DOCK10: variants seen among roughly 807,000 people sequenced by gnomAD.
DOCK10 encodes the protein dedicator of cytokinesis protein 10.
DOCK10 carries 145 observed loss-of-function variants against 280.1 expected under a neutral mutation model. The observed-to-expected ratio is 0.52, with a 90% CI of 0.45 to 0.59. The LOEUF (loss-of-function observed/expected upper bound fraction) is 0.59, where lower values mean the gene tolerates loss of function less well. Ranked by LOEUF, DOCK10 falls within the 20% of genes least tolerant of loss-of-function variation. The pLI is 0.00. For missense variants in DOCK10, 2,368 were observed against 2,651.7 expected, an observed-to-expected ratio of 0.89 and a Z score of 2.35; for synonymous variants, 915 against 942.2, an observed-to-expected ratio of 0.97 and a Z score of 0.53.
intron 28 of DOCK10, among the ~76,000 whole-genome samples, chr2:224,821,830 A>G (rs1694525365): frequency 6.6e-6 from 1 of 152,188 alleles, no homozygotes; most frequent in African/African-American, 2.4e-5. Context: ...TGTGGTAGAA[A>G]ACTACAGTAA....
At chr2:224,916,269 G>T (rs757620511) in intron 3 of DOCK10, among the ~76,000 whole-genome samples, 7 of 152,048 alleles carry the variant, frequency 4.6e-5, no homozygotes, top group Non-Finnish European at 1.0e-4. Flanking sequence ...GGCCGGACGC[G>T]GTGGCTCATG....
At chr2:224,982,487 C>T in intron 1 of DOCK10, 1 of 1,227,406 alleles carries the variant, frequency 8.1e-7, no homozygotes, top group Non-Finnish European at 1.0e-6. Context: ...TCTCCAATCA[C>T]TTCCTTGAGC....
chr2:224,773,038 G>T, intron 53 of DOCK10, 119 bp downstream of exon 53: 2 of 915,046 alleles, frequency 2.2e-6, no homozygotes, highest in Non-Finnish European at 3.1e-6. Flanking sequence ...AGATAAAGGT[G>T]TTCTATTCTC....
chr2:224,868,768 C>T (rs1698083945), intron 11 of DOCK10, among the ~76,000 whole-genome samples: 1 of 151,744 alleles, frequency 6.6e-6, no homozygotes, highest in Admixed American at 6.6e-5. Context: ...TATAGTATAC[C>T]AATTTAAATT....
At chr2:224,964,097 G>C (rs1704597203) in intron 1 of DOCK10, among the ~76,000 whole-genome samples, 1 of 151,374 alleles carries the variant, frequency 6.6e-6, no homozygotes. Flanking sequence ...TAAAATACAG[G>C]ATGCGGAGGG....
chr2:225,036,727 T>C (rs1690269571), intron 1 of DOCK10, among the ~76,000 whole-genome samples: 2 of 152,230 alleles, frequency 1.3e-5, no homozygotes, highest in Non-Finnish European at 2.9e-5. Context: ...TGAATATGTC[T>C]AGAGCAAGTT....
chr2:224,920,383 C>T (rs745659272), intron 2 of DOCK10, among the ~76,000 whole-genome samples: 30 of 152,004 alleles, frequency 2.0e-4, no homozygotes, highest in Middle Eastern at 3.4e-3. Context: ...CTACATTTTA[C>T]ATTTTTAATT....
intron 1 of DOCK10, among the ~76,000 whole-genome samples, chr2:224,969,345 G>C (rs1156837838): frequency 6.6e-6 from 1 of 152,178 alleles, no homozygotes; most frequent in Non-Finnish European, 1.5e-5. Context: ...TCTAAGAACA[G>C]ATCTGAAAAG....
chr2:224,791,526 G>A (rs573030172), intron 47 of DOCK10, among the ~76,000 whole-genome samples: 4 of 151,178 alleles, frequency 2.6e-5, no homozygotes, highest in African/African-American at 7.3e-5. Context: ...GTGCAGTGGC[G>A]TGATCTCAGC....
chr2:224,766,545 A>C (rs1690087062), intron 55 of DOCK10, among the ~76,000 whole-genome samples: 1 of 152,234 alleles, frequency 6.6e-6, no homozygotes, highest in Non-Finnish European at 1.5e-5. Flanking sequence ...TATGATCAAT[A>C]TCACAAAGCT....
At chr2:224,814,286 GT>G in intron 31 of DOCK10, 33 bp downstream of exon 31, 1 of 1,401,106 alleles carries the variant, frequency 7.1e-7, no homozygotes. Flanking sequence ...ATTACAGGTG[GT>G]TACTGATGCT....
chr2:225,002,136 G>C (rs1451968390), intron 1 of DOCK10, among the ~76,000 whole-genome samples: 1 of 152,142 alleles, frequency 6.6e-6, no homozygotes, highest in Non-Finnish European at 1.5e-5. Context: ...AAGTGAGTTA[G>C]AGTATTTCAA....
rs539905805 is a variant in DOCK10, at chr2:224,903,804, T to C, written c.334-7427A>G. Among the ~76,000 whole-genome samples the C allele has an allele frequency of 1.4e-4, 21 of 152,308 alleles. 2 individuals carry two copies. The South Asian group carries it at 3.7e-3, about 27-fold the overall frequency. On this transcript the variant is annotated intron_variant, in intron 3 of 55. Transcript: ENST00000258390. The stretch of plus-strand genomic sequence containing the variant: ...GCCAAACATTTTAGGGGGATTTTTA[T>C]TGTGGAGAAGGGAAAGCCAATTTAG...
chr2:224,903,716 GTTCT>G (rs1422611844), intron 3 of DOCK10, among the ~76,000 whole-genome samples: 1 of 152,082 alleles, frequency 6.6e-6, no homozygotes, highest in East Asian at 1.9e-4. Flanking sequence ...TTAAAAATGG[GTTCT>G]TTTTTATTCT....
intron 1 of DOCK10, among the ~76,000 whole-genome samples, chr2:225,015,958 T>G (rs1209316325): frequency 2.0e-5 from 3 of 152,164 alleles, no homozygotes; most frequent in East Asian, 3.9e-4. Flanking sequence ...ATAAGACCAT[T>G]TTAGCTGGAA....
At chr2:224,975,419 T>A (rs2126227739) in intron 1 of DOCK10, among the ~76,000 whole-genome samples, 1 of 152,328 alleles carries the variant, frequency 6.6e-6, no homozygotes, top group African/African-American at 2.4e-5. Flanking sequence ...CCCAGGGGAA[T>A]CTGATAATAT....
At chr2:224,983,582 T>G (rs1173879567) in intron 1 of DOCK10, 1 of 316,020 alleles carries the variant, frequency 3.2e-6, no homozygotes, top group Non-Finnish European at 6.4e-6. Flanking sequence ...GGAAGGATTG[T>G]TTTGCTGTAA....
intron 1 of DOCK10, among the ~76,000 whole-genome samples, chr2:224,977,800 G>A (rs1705523984): frequency 6.6e-6 from 1 of 152,084 alleles, no homozygotes; most frequent in Non-Finnish European, 1.5e-5. Context: ...CTCCACTTTG[G>A]ACTATATAGG....
rs568944415 is a variant in DOCK10 at position 225,014,266 on chromosome 2, A to G, written c.123+27986T>C. ...GTTACTGGGTACCATGGTAAACTAAAAGGTTTTTTATATATCCTTTGGAGA... is the reference window on the plus strand; with the variant it reads ...GTTACTGGGTACCATGGTAAACTAAGAGGTTTTTTATATATCCTTTGGAGA... On this transcript the variant is annotated intron_variant, in intron 1 of 55. Transcript: ENST00000258390. Among the ~76,000 whole-genome samples, 119 of 151,986 alleles carry G rather than the reference A, an allele frequency of 7.8e-4. No homozygotes were observed. The South Asian group carries it at 0.024, about 30-fold the overall frequency.
Sources: allele counts gnomAD v4.1 joint callset (sites outside exome capture counted in the v4.1 genomes callset), GRCh38; gene constraint gnomAD v4.1.1; transcripts MANE v1.5; gene names NCBI Gene and HGNC (gene_info 2026-07-23, HGNC 2026-07-21).